LPA: variants seen among roughly 807,000 people sequenced by gnomAD.
The protein encoded by LPA is apolipoprotein(a).
LPA carries 199 observed loss-of-function variants against 197.9 expected under a neutral mutation model. The ratio of observed to expected loss-of-function variants is 1.01; its 90% confidence interval spans 0.90 to 1.13. The LOEUF is 1.13. Ranked by LOEUF, LPA falls within the 50% of genes most tolerant of loss-of-function variation. LPA has a pLI of 0.00. For missense variants in LPA, 1,853 were observed against 1,785.8 expected, an observed-to-expected ratio of 1.04 and a Z score of -0.68; for synonymous variants, 715 against 639.5, an observed-to-expected ratio of 1.12 and a Z score of -1.78.
chr6:160,558,121 G>A (rs1444157937), intron 28 of LPA, among the ~76,000 whole-genome samples: 2 of 151,982 alleles, frequency 1.3e-5, no homozygotes, highest in East Asian at 1.9e-4. Flanking sequence ...GGGTTTCACC[G>A]TGTTAGCCAG....
intron 28 of LPA, among the ~76,000 whole-genome samples, chr6:160,570,551 G>T (rs1212689362): frequency 1.3e-5 from 2 of 152,172 alleles, no homozygotes; most frequent in African/African-American, 4.8e-5. Context: ...GAGTTAATGG[G>T]TGCAGCACAC....
chr6:160,610,417 T>C (rs1170877514), intron 16 of LPA, among the ~76,000 whole-genome samples: 1 of 152,152 alleles, frequency 6.6e-6, no homozygotes, highest in Non-Finnish European at 1.5e-5. Flanking sequence ...CTCCACTGAA[T>C]TGGCAATGTG....
intron 36 of LPA, 118 bp from the exon 37 acceptor site, chr6:160,538,079 A>G: frequency 1.3e-6 from 1 of 799,906 alleles, no homozygotes; most frequent in South Asian, 1.5e-5. Context: ...GCCTTGCTTC[A>G]CTGACACAGA....
chr6:160,591,332 A>T (rs1442136583), intron 22 of LPA, among the ~76,000 whole-genome samples: 1 of 152,240 alleles, frequency 6.6e-6, no homozygotes, highest in Non-Finnish European at 1.5e-5. Flanking sequence ...ACTCCATAAG[A>T]AAACCGAGAG....
intron 34 of LPA, among the ~76,000 whole-genome samples, chr6:160,541,851 G>A (rs1432278780): frequency 6.6e-6 from 1 of 152,190 alleles, no homozygotes; most frequent in East Asian, 1.9e-4. Context: ...TGTGGAAGGT[G>A]AAAGCTCTGT....
intron 7 of LPA, among the ~76,000 whole-genome samples, chr6:160,634,604 T>G (rs1384816637): frequency 4.7e-5 from 7 of 148,066 alleles, no homozygotes; most frequent in African/African-American, 1.8e-4. Context: ...CTTCAAAGCC[T>G]AGGACTGAAG....
In LPA at chr6:160,611,570, G is replaced by T; in HGVS notation, c.2595C>A (p.Tyr865Ter). The T allele has an allele frequency of 1.2e-6, 2 of 1,606,052 alleles. No individual in the cohort carries two copies. Among genetic ancestry groups the T allele is most frequent in the Non-Finnish European group, 8.5e-7 (1 of 1,179,028 alleles). Residue 865 changes from tyrosine (Y) to a stop codon, truncating the protein, a stop_gained, in exon 16 of 39, where the codon TAC becomes TAA. Transcript: ENST00000316300. LOFTEE classifies it high-confidence loss of function. Reference sequence around the variant, plus strand: ...AAAGAACAAAGACATACGCATTTGGGTAGTATTCTGGGGTCCGACTATGCG... The same window carrying T: ...AAAGAACAAAGACATACGCATTTGGTTAGTATTCTGGGGTCCGACTATGCG... ...PHSHSRTPEY[Y>*]PNAGLIMNYC...
Position 160,557,466 on chromosome 6 carries a change from GCATTGT to G in LPA, c.4731_4736del (p.Gln1578_Cys1579del). 1 of 1,614,058 alleles carries G rather than the reference GCATTGT, an allele frequency of 6.2e-7. No individual in the cohort carries two copies. Among genetic ancestry groups the G allele is most frequent in the Non-Finnish European group, 8.5e-7 (1 of 1,179,974 alleles). ...CTAGGACACCTGATTCTGTTTCTGA[GCATTGT>G]GTCAGATTGCAGTACTCCCACCTCA... On this transcript the variant is annotated inframe_deletion, in exon 29 of 39. Coordinates refer to ENST00000316300, the MANE Select transcript of LPA (RefSeq NM_005577.4).
intron 1 of LPA, among the ~76,000 whole-genome samples, chr6:160,652,969 A>T (rs150884619): frequency 1.1e-4 from 16 of 152,304 alleles, no homozygotes; most frequent in African/African-American, 3.4e-4. Context: ...AAAATATGAA[A>T]AAAGGAACAA....
intron 34 of LPA, among the ~76,000 whole-genome samples, chr6:160,541,886 A>G (rs529901329): frequency 1.6e-4 from 24 of 152,250 alleles, no homozygotes; most frequent in African/African-American, 5.5e-4. Context: ...CAAACGATAA[A>G]GTAAAGAAAA....
chr6:160,590,162 G>A (rs551485431), intron 23 of LPA, among the ~76,000 whole-genome samples: 2 of 152,274 alleles, frequency 1.3e-5, no homozygotes, highest in Admixed American at 1.3e-4. Flanking sequence ...CTGGAAGATG[G>A]GGCAGGAAGT....
chr6:160,662,140 C>T (rs1290524609), intron 1 of LPA, among the ~76,000 whole-genome samples: 2 of 152,148 alleles, frequency 1.3e-5, no homozygotes, highest in Admixed American at 6.6e-5. Flanking sequence ...TTCTCTGATT[C>T]ACCTCCAGGG....
chr6:160,531,889 C>T lies in LPA; in HGVS notation c.5963G>A (p.Gly1988Asp). The change falls in exon 39 of 39, where the codon GGT (glycine) becomes GAT (aspartate). Residue 1988 changes from glycine to aspartate, a missense_variant and splice_region_variant. Gly to Asp is a moderately conservative substitution (Grantham distance 94, BLOSUM62 -1). Around this residue, in one of 3 missense-constraint regions of LPA, gnomAD observed 1,737 missense variants for 1,504.4 expected, o/e 1.15. Coordinates refer to ENST00000316300, the MANE Select transcript of LPA (RefSeq NM_005577.4). ...GCAAACCAGAGGCCCTCCACTGTCA[C>T]CCTAAACAGAGGTAGGGGAAAATTC... ...HLARGTDSCQ[G>D]DSGGPLVCFE... 1 of 1,613,998 alleles carries T rather than the reference C, an allele frequency of 6.2e-7. No individual in the cohort carries two copies. The highest frequency in any genetic ancestry group is 1.1e-5 in the South Asian group (1 of 91,074).
chr6:160,598,800 T>G (rs1353419273), intron 20 of LPA, among the ~76,000 whole-genome samples: 1 of 152,172 alleles, frequency 6.6e-6, no homozygotes, highest in Admixed American at 6.5e-5. Flanking sequence ...TGCCTCTCCA[T>G]AGATGTGCAA....
chr6:160,534,664 A>T (rs1292316189), intron 37 of LPA, among the ~76,000 whole-genome samples: 1 of 152,340 alleles, frequency 6.6e-6, no homozygotes, highest in East Asian at 1.9e-4. Context: ...ATTAACATGT[A>T]GAAAGTTGAT....
At chr6:160,584,665 G>A (rs1283354238) in intron 26 of LPA, among the ~76,000 whole-genome samples, 3 of 152,056 alleles carry the variant, frequency 2.0e-5, no homozygotes, top group Non-Finnish European at 4.4e-5. Context: ...GTCAAAAATG[G>A]CAAACACAAA....
At position 160,566,899 on chromosome 6, in the gene LPA, G is replaced by A. The variant is rs902950415; in HGVS notation, c.4632-9328C>T. Among the ~76,000 whole-genome samples, 77 of 152,236 alleles carry A rather than the reference G, an allele frequency of 5.1e-4. 2 individuals carry two copies. The highest frequency in any genetic ancestry group is 1.7e-3 in the African/African-American group (72 of 41,518). ...ACAAAGATCAAAAGAGACAAAGAAG[G>A]CCATTACATAATGGTAAAGGGACCA... On this transcript the variant is annotated intron_variant, in intron 28 of 38. Transcript: ENST00000316300.
rs993887853 is a variant in LPA at position 160,570,956 on chromosome 6, G to A, written c.4631+6180C>T. 5.3e-5 allele frequency among the ~76,000 whole-genome samples: 8 copies of A among 152,290 alleles called. No individual in the cohort carries two copies. In the East Asian group the frequency reaches 1.4e-3, roughly 26 times the overall value. On this transcript the variant is annotated intron_variant, in intron 28 of 38. Coordinates refer to ENST00000316300, the MANE Select transcript of LPA (RefSeq NM_005577.4). ...GGGAAGTTCTCCTGGATAATATCCT[G>A]AAGAGTGTTTTCCAACTTGGTTCCA...
chr6:160,594,108 T>A lies in LPA; in HGVS notation c.3479A>T (p.Glu1160Val), dbSNP rs1288814798. Residue 1160 changes from glutamate to valine, a missense_variant, in exon 22 of 39, where the codon GAG becomes GTG. Glu to Val is a moderately radical substitution (Grantham distance 121). Around this residue, in one of 3 missense-constraint regions of LPA, gnomAD observed 1,737 missense variants for 1,504.4 expected, o/e 1.15. Transcript: ENST00000316300. ...GCAATCCTGGACCCCGGGGCTTTGC[T>A]CCGTTGGTGCTGAAATTCAAAGAGG... Reference protein sequence around the residue: ...TEASSEEAPTEQSPGVQDCYH... With the variant: ...TEASSEEAPTVQSPGVQDCYH... The A allele has an allele frequency of 6.2e-7, 1 of 1,613,830 alleles. No homozygotes were observed. Among genetic ancestry groups the A allele is most frequent in the Non-Finnish European group, 8.5e-7 (1 of 1,179,812 alleles).
Sources: gnomAD v4.1 joint callset for allele counts (sites outside exome capture counted in the v4.1 genomes callset) on GRCh38, gnomAD v4.1.1 for gene constraint, gnomAD v4.1.1 regional missense constraint, MANE v1.5 for transcripts, NCBI Gene and HGNC (gene_info 2026-07-23, HGNC 2026-07-21) for gene names.